The following ICA1 variants were observed in gnomAD, a reference collection of about 807,000 sequenced individuals.
ICA1 encodes islet cell autoantigen 1, also known as 69 kDa islet cell autoantigen.
Under a neutral mutation model 71.0 loss-of-function variants are expected in ICA1, and 40 were observed. The ratio of observed to expected loss-of-function variants is 0.56; its 90% confidence interval spans 0.44 to 0.73. The LOEUF (loss-of-function observed/expected upper bound fraction) is 0.73, where lower values mean the gene tolerates loss of function less well. Ranked by LOEUF, ICA1 falls within the 30% of genes least tolerant of loss-of-function variation. The probability of loss-of-function intolerance (pLI) is 0.00; values close to 1 mark genes in which losing one functional copy is unlikely to be tolerated. For missense variants in ICA1, 578 were observed against 576.5 expected (o/e 1.00, Z -0.03); for synonymous variants, 207 against 209.5 (o/e 0.99, Z 0.10).
chr7:8,194,261 T>C (rs997203758), intron 6 of ICA1, among the ~76,000 whole-genome samples: 1 of 152,122 alleles, frequency 6.6e-6, no homozygotes, highest in African/African-American at 2.4e-5. Context: ...ATCAGAATCT[T>C]TGGGGCGGTG....
At chr7:8,188,539 G>A (rs1585038235) in intron 6 of ICA1, among the ~76,000 whole-genome samples, 3 of 152,296 alleles carry the variant, frequency 2.0e-5, no homozygotes, top group East Asian at 1.9e-4. Context: ...GAATCACTTC[G>A]ATTGTTACTA....
At chr7:8,241,513 A>C (rs1803876113) in intron 1 of ICA1, among the ~76,000 whole-genome samples, 1 of 150,846 alleles carries the variant, frequency 6.6e-6, no homozygotes, top group African/African-American at 2.5e-5. Flanking sequence ...ATCAACTAAT[A>C]GGCAAAATAA....
At chr7:8,216,614 G>T (rs929663594) in intron 6 of ICA1, among the ~76,000 whole-genome samples, 8 of 143,720 alleles carry the variant, frequency 5.6e-5, no homozygotes, top group Admixed American at 1.4e-4. Flanking sequence ...AAATTCTTCT[G>T]CCTTCCAGAA....
intron 6 of ICA1, among the ~76,000 whole-genome samples, chr7:8,194,568 G>A (rs568296819): frequency 2.0e-5 from 3 of 152,156 alleles, no homozygotes; most frequent in Non-Finnish European, 4.4e-5. Context: ...CTATAAAAAT[G>A]TTACTTCTTC....
At chr7:8,255,922 T>C (rs897132577) in intron 1 of ICA1, among the ~76,000 whole-genome samples, 3 of 151,804 alleles carry the variant, frequency 2.0e-5, no homozygotes, top group African/African-American at 7.3e-5. Context: ...TACAGGCACA[T>C]ACCACCACAC....
intron 8 of ICA1, among the ~76,000 whole-genome samples, chr7:8,156,402 A>C (rs192010286): frequency 8.0e-4 from 122 of 152,326 alleles, no homozygotes; most frequent in African/African-American, 2.7e-3. Context: ...CTGGCAATGA[A>C]GTACCCACTG....
intron 1 of ICA1, among the ~76,000 whole-genome samples, chr7:8,247,568 C>G (rs1288425064): frequency 1.3e-5 from 2 of 152,202 alleles, no homozygotes; most frequent in African/African-American, 4.8e-5. Flanking sequence ...CAAAGGTACA[C>G]AGAATGCTAA....
In ICA1 at chr7:8,185,101, G is replaced by A. The variant is rs1783497232; in HGVS notation, c.580-26449C>T. Reference sequence around the variant, plus strand: ...AAAAGAAAAAAAAAAAGGAAAAAAGGAAATGAGAGATAAATTTTTAAAATT... The same window carrying A: ...AAAAGAAAAAAAAAAAGGAAAAAAGAAAATGAGAGATAAATTTTTAAAATT... On this transcript the variant is annotated intron_variant, in intron 6 of 13. Transcript: ENST00000402384. Among the ~76,000 whole-genome samples, 3 of 151,704 alleles carry A rather than the reference G, an allele frequency of 2.0e-5. No homozygotes were observed. In the South Asian group the frequency reaches 6.3e-4, roughly 32 times the overall value.
At chr7:8,208,600 A>G (rs1028580401) in intron 6 of ICA1, among the ~76,000 whole-genome samples, 1 of 152,220 alleles carries the variant, frequency 6.6e-6, no homozygotes, top group East Asian at 1.9e-4. Flanking sequence ...GCTGTTAACC[A>G]AAAAGAAGAA....
Position 8,133,081 on chromosome 7 carries a change from T to C in ICA1, c.1061-4939A>G, listed in dbSNP as rs191072781. On this transcript the variant is annotated intron_variant, in intron 12 of 13. Coordinates refer to ENST00000402384, the MANE Select transcript of ICA1 (RefSeq NM_001136020.3). ...CCTCACAAATGGGTTAACCCATTCA[T>C]GGATTAATGAATTAATGGATTATCA... Among the ~76,000 whole-genome samples the C allele has an allele frequency of 5.7e-3, 861 of 152,254 alleles. 8 individuals carry two copies. Among genetic ancestry groups the C allele is most frequent in the African/African-American group, 0.019 (798 of 41,538 alleles).
At chr7:8,189,522 G>A (rs1289240019) in intron 6 of ICA1, among the ~76,000 whole-genome samples, 1 of 152,168 alleles carries the variant, frequency 6.6e-6, no homozygotes, top group East Asian at 1.9e-4. Flanking sequence ...GCTGGCTATT[G>A]GGAATGCAGA....
At chr7:8,207,368 C>A (rs891253401) in intron 6 of ICA1, among the ~76,000 whole-genome samples, 1 of 152,158 alleles carries the variant, frequency 6.6e-6, no homozygotes, top group Non-Finnish European at 1.5e-5. Flanking sequence ...TTTAGGGCTC[C>A]CTGAACCCAT....
In ICA1 at chr7:8,144,344, C is replaced by T. The variant is rs185223716; in HGVS notation, c.805-372G>A. Among the ~76,000 whole-genome samples, 10 of 152,314 alleles carry T rather than the reference C, an allele frequency of 6.6e-5. No homozygotes were observed. The highest frequency in any genetic ancestry group is 2.4e-4 in the African/African-American group (10 of 41,576). On this transcript the variant is annotated intron_variant, in intron 8 of 13. Transcript: ENST00000402384. This position sits in a 1 kb window ranked among gnomAD's most constrained non-coding sequence, Gnocchi z 4.5. ...TAAACATTCTGTTCTGTTCGCAGCC[C>T]ACACACTGACAAAGTAGAAGTTCCT...
rs1787696594 is a variant in ICA1 at position 8,123,205 on chromosome 7, G to T, written c.1330+4668C>A. 6.6e-6 allele frequency among the ~76,000 whole-genome samples: 1 copy of T among 152,140 alleles called. No individual in the cohort carries two copies. The highest frequency in any genetic ancestry group is 1.5e-5 in the Non-Finnish European group (1 of 68,022). ...ATTCTACATGCATTCCTTTGTTTTG[G>T]ACTCTTAGAGCTTAAAGTAGGGGGA... On this transcript the variant is annotated intron_variant, in intron 13 of 13. Transcript: ENST00000402384. This position sits in a 1 kb window ranked among gnomAD's most constrained non-coding sequence, Gnocchi z 4.1.
At chr7:8,240,955 T>C (rs1248293218) in intron 1 of ICA1, among the ~76,000 whole-genome samples, 1 of 152,154 alleles carries the variant, frequency 6.6e-6, no homozygotes, top group East Asian at 1.9e-4. Flanking sequence ...TACCTGAAAG[T>C]GACGGGGAGA....
chr7:8,253,385 G>C (rs1808875826), intron 1 of ICA1, among the ~76,000 whole-genome samples: 1 of 152,194 alleles, frequency 6.6e-6, no homozygotes, highest in Admixed American at 6.5e-5. Context: ...TATGTGAATA[G>C]TAAGTGAAGT....
chr7:8,209,902 G>C (rs1216562984), intron 6 of ICA1, among the ~76,000 whole-genome samples: 1 of 152,182 alleles, frequency 6.6e-6, no homozygotes, highest in Non-Finnish European at 1.5e-5. Flanking sequence ...GAAACACAGG[G>C]TGTGCATGTA....
At chr7:8,136,592 T>C (rs1793510114) in intron 12 of ICA1, among the ~76,000 whole-genome samples, 1 of 152,112 alleles carries the variant, frequency 6.6e-6, no homozygotes, top group Admixed American at 6.6e-5. Context: ...AGGCAGACAG[T>C]GGGGCAGCCC....
At chr7:8,122,569 A>G (rs1787417935) in intron 13 of ICA1, among the ~76,000 whole-genome samples, 1 of 152,238 alleles carries the variant, frequency 6.6e-6, no homozygotes, top group African/African-American at 2.4e-5. Flanking sequence ...CCTGCTCTGC[A>G]TTCAAACTAT....
Sources: allele counts gnomAD v4.1 joint callset (sites outside exome capture counted in the v4.1 genomes callset), GRCh38; gene constraint gnomAD v4.1.1; non-coding constraint Gnocchi (gnomAD v3.1); transcripts MANE v1.5; gene names NCBI Gene and HGNC (gene_info 2026-07-23, HGNC 2026-07-21).